The following ENOX1 variants were observed in gnomAD, a reference collection of about 807,000 sequenced individuals.
The protein encoded by ENOX1 is ecto-NOX disulfide-thiol exchanger 1, also known as candidate growth-related and time keeping constitutive hydroquinone (NADH) oxidase.
A neutral mutation model predicts 82.5 loss-of-function variants in ENOX1; 42 were observed. The observed-to-expected ratio is 0.51, with a 90% CI of 0.40 to 0.66. The LOEUF (loss-of-function observed/expected upper bound fraction) is 0.66. Among genes scored for constraint, ENOX1 ranks in the 30% least tolerant of loss-of-function variants. The pLI, the probability that ENOX1 is intolerant of heterozygous loss-of-function variation, is 0.00. For missense variants in ENOX1, 608 were observed against 811.6 expected (o/e 0.75, Z 3.05); for synonymous variants, 271 against 282.2 (o/e 0.96, Z 0.40).
At chr13:43,407,991 G>C (rs2153596017) in intron 5 of ENOX1, among the ~76,000 whole-genome samples, 1 of 152,324 alleles carries the variant, frequency 6.6e-6, no homozygotes, top group East Asian at 1.9e-4. Flanking sequence ...ATTTAGGATT[G>C]GGGTATAACT....
intron 5 of ENOX1, among the ~76,000 whole-genome samples, chr13:43,369,865 C>T (rs1337581328): frequency 6.6e-6 from 1 of 152,220 alleles, no homozygotes; most frequent in African/African-American, 2.4e-5. Flanking sequence ...CCATTAGCTG[C>T]CTTCCTGGCA....
intron 3 of ENOX1, among the ~76,000 whole-genome samples, chr13:43,446,290 G>A (rs1020924939): frequency 6.6e-6 from 1 of 152,058 alleles, no homozygotes; most frequent in African/African-American, 2.4e-5. Context: ...TATTTGTGGA[G>A]TGACTACAGC....
At chr13:43,218,858 T>C (rs1365302045) in intron 16 of ENOX1, among the ~76,000 whole-genome samples, 2 of 152,230 alleles carry the variant, frequency 1.3e-5, no homozygotes, top group Non-Finnish European at 2.9e-5. Flanking sequence ...TTTCTCCCTA[T>C]GGCCAAAGAA....
chr13:43,377,280 A>C (rs955591470), intron 5 of ENOX1, among the ~76,000 whole-genome samples: 2 of 152,186 alleles, frequency 1.3e-5, no homozygotes, highest in Non-Finnish European at 2.9e-5. Context: ...TCACATGCTT[A>C]CTTGCTTTTC....
intron 3 of ENOX1, among the ~76,000 whole-genome samples, chr13:43,464,065 G>C (rs906747802): frequency 6.6e-6 from 1 of 152,186 alleles, no homozygotes; most frequent in Admixed American, 6.5e-5. Context: ...AAACATTTCA[G>C]AAAGGTGTCC....
intron 14 of ENOX1, among the ~76,000 whole-genome samples, chr13:43,258,955 G>T (rs1326271209): frequency 2.0e-5 from 3 of 152,202 alleles, no homozygotes; most frequent in South Asian, 4.1e-4. Flanking sequence ...TAAGTGAAAG[G>T]CATGAGGACA....
At chr13:43,410,670 T>C (rs1250422973) in intron 5 of ENOX1, among the ~76,000 whole-genome samples, 1 of 151,746 alleles carries the variant, frequency 6.6e-6, no homozygotes, top group Admixed American at 6.6e-5. Context: ...ACAGTTAATT[T>C]GGAATTTTTC....
At chr13:43,675,340 C>A (rs2085458947) in intron 1 of ENOX1, among the ~76,000 whole-genome samples, 1 of 152,248 alleles carries the variant, frequency 6.6e-6, no homozygotes, top group East Asian at 1.9e-4. Context: ...AGACCATGCA[C>A]TGAGATGGGG....
chr13:43,297,881 G>T (rs1487178971), intron 12 of ENOX1, among the ~76,000 whole-genome samples: 1 of 152,156 alleles, frequency 6.6e-6, no homozygotes, highest in Non-Finnish European at 1.5e-5. Flanking sequence ...TGTGCTCAAA[G>T]AACCTGACTA....
rs3043205 is a variant in ENOX1 at position 43,213,544 on chromosome 13, C to CTTTTTTTT, written c.*438_*445dup. The CTTTTTTTT allele has an allele frequency of 2.4e-5, 2 of 84,008 alleles. No individual in the cohort carries two copies. Among genetic ancestry groups the CTTTTTTTT allele is most frequent in the African/African-American group, 4.4e-5 (1 of 22,764 alleles). 5.2% of individuals were successfully genotyped at this position (84,008 alleles called of 1,614,324 possible). On this transcript the variant is annotated 3_prime_UTR_variant, in exon 17 of 17. Coordinates refer to ENST00000690772, the MANE Select transcript of ENOX1 (RefSeq NM_001347969.2). ...TTTTTCTTTTTTTCTTTTTCTTTTT[C>CTTTTTTTT]TTTTTTTTTTTTTTTTTTTTTTTAC...
chr13:43,294,230 G>A (rs1462463817), intron 12 of ENOX1, among the ~76,000 whole-genome samples: 2 of 152,084 alleles, frequency 1.3e-5, no homozygotes, highest in African/African-American at 2.4e-5. Flanking sequence ...TTAGTCATAC[G>A]CACTTTTATG....
intron 1 of ENOX1, among the ~76,000 whole-genome samples, chr13:43,689,892 G>A (rs1227876992): frequency 6.6e-6 from 1 of 151,952 alleles, no homozygotes; most frequent in Non-Finnish European, 1.5e-5. Context: ...ATCCCACTTT[G>A]CATGTCTGTT....
At chr13:43,501,792 C>CAA (rs201805701) in intron 2 of ENOX1, among the ~76,000 whole-genome samples, 2,614 of 125,566 alleles carry the variant, frequency 0.021, 31 homozygotes, top group Non-Finnish European at 0.029. Context: ...CCTACCTTAA[C>CAA]AAAAAAAAAA....
intron 1 of ENOX1, among the ~76,000 whole-genome samples, chr13:43,702,952 T>TAAAA (rs2086996560): frequency 1.4e-4 from 2 of 14,482 alleles, no homozygotes; most frequent in Non-Finnish European, 3.1e-4. Flanking sequence ...AGACTCTGTC[T>TAAAA]CAAAAAAAAA....
intron 3 of ENOX1, among the ~76,000 whole-genome samples, chr13:43,447,917 G>T (rs1594667004): frequency 6.6e-6 from 1 of 152,316 alleles, no homozygotes; most frequent in East Asian, 1.9e-4. Flanking sequence ...AGCAATCAAT[G>T]CCTTTAATTG....
At chr13:43,272,720 C>G (rs919739413) in intron 12 of ENOX1, among the ~76,000 whole-genome samples, 4 of 152,172 alleles carry the variant, frequency 2.6e-5, no homozygotes, top group South Asian at 2.1e-4. Context: ...GGGCCTGACA[C>G]AAGACCAATT....
intron 1 of ENOX1, among the ~76,000 whole-genome samples, chr13:43,724,536 G>A (rs1311919460): frequency 6.6e-6 from 1 of 152,156 alleles, no homozygotes; most frequent in African/African-American, 2.4e-5. Context: ...CTATGCACAA[G>A]GACCATTTTA....
At position 43,773,628 on chromosome 13, in the gene ENOX1, T is replaced by G. The variant is rs1229067622; in HGVS notation, c.-285+13024A>C. On this transcript the variant is annotated intron_variant, in intron 1 of 16. Coordinates refer to ENST00000690772, the MANE Select transcript of ENOX1 (RefSeq NM_001347969.2). ...GATAACCCCAACCACCCTTCAGGTA[T>G]GAATTTATAAATTACTCTTCCATAT... is the stretch of plus-strand genomic sequence containing the variant. Among the ~76,000 whole-genome samples the G allele has an allele frequency of 2.6e-5, 4 of 152,240 alleles. No homozygotes were observed. In the East Asian group the frequency reaches 7.7e-4, roughly 29 times the overall value.
chr13:43,681,658 G>A (rs1247507217), intron 1 of ENOX1, among the ~76,000 whole-genome samples: 1 of 146,612 alleles, frequency 6.8e-6, no homozygotes, highest in African/African-American at 2.6e-5. Flanking sequence ...CAATTAAACA[G>A]ATATTCCCAC....
Sources: gnomAD v4.1 joint callset for allele counts (sites outside exome capture counted in the v4.1 genomes callset) on GRCh38, gnomAD v4.1.1 for gene constraint, MANE v1.5 for transcripts, NCBI Gene and HGNC (gene_info 2026-07-23, HGNC 2026-07-21) for gene names.